The following HECW1 variants were observed in gnomAD, a reference collection of about 807,000 sequenced individuals.
HECW1 encodes the protein HECT, C2 and WW domain containing E3 ubiquitin protein ligase 1.
A neutral mutation model predicts 182.3 loss-of-function variants in HECW1; 61 were observed. The observed-to-expected ratio is 0.33, with a 90% CI of 0.27 to 0.41. The LOEUF is 0.41. Ranked by LOEUF, HECW1 falls within the 10% of genes least tolerant of loss-of-function variation. The probability of loss-of-function intolerance (pLI) is 1.00; values close to 1 mark genes in which losing one functional copy is unlikely to be tolerated. For synonymous variants in HECW1, 859 were observed against 832.6 expected (o/e 1.03, Z -0.55); for missense variants, 1,739 against 2,108.9 (o/e 0.82, Z 3.44).
intron 14 of HECW1, among the ~76,000 whole-genome samples, chr7:43,465,962 AAAG>A (rs1182352129): frequency 9.8e-5 from 14 of 143,474 alleles, no homozygotes; most frequent in South Asian, 9.4e-4. Flanking sequence ...AAAGAGAAAG[AAAG>A]AAGAAAGAAG....
intron 8 of HECW1, among the ~76,000 whole-genome samples, chr7:43,427,997 C>T (rs1039101660): frequency 6.6e-6 from 1 of 152,196 alleles, no homozygotes; most frequent in Admixed American, 6.5e-5. Context: ...GTTTGGTAAT[C>T]TAATCATGGC....
Position 43,500,784 on chromosome 7 carries a change from TA to T in HECW1, c.3521+3del, listed in dbSNP as rs2079317023. The T allele has an allele frequency of 1.2e-6, 2 of 1,612,230 alleles. No individual in the cohort carries two copies. The highest frequency in any genetic ancestry group is 1.7e-6 in the Non-Finnish European group (2 of 1,178,380). On this transcript the variant is annotated splice_donor_region_variant and intron_variant, in intron 20 of 29. Coordinates refer to ENST00000395891, the MANE Select transcript of HECW1 (RefSeq NM_015052.5). The stretch of plus-strand genomic sequence containing the variant: ...TGCGGATCTGGTCATTTTGCTGAGG[TA>T]GGGGGCTAGGCCTGAAATCCTTCTG...
rs368898758 is a variant in HECW1, at chr7:43,524,212, C to T, written c.4019+15091C>T. 1.1e-4 allele frequency among the ~76,000 whole-genome samples: 16 copies of T among 152,220 alleles called. No individual in the cohort carries two copies. In the East Asian group the frequency reaches 1.2e-3, roughly 11 times the overall value. Reference sequence around the variant, plus strand: ...GAAATTTTGCCTTAGATGTTAGCAGCGTCAAGAGTCTTTCAAAGAGTGTGA... The same window carrying T: ...GAAATTTTGCCTTAGATGTTAGCAGTGTCAAGAGTCTTTCAAAGAGTGTGA... On this transcript the variant is annotated intron_variant, in intron 24 of 29. Transcript: ENST00000395891.
At chr7:43,278,889 T>C (rs1235647385) in intron 3 of HECW1, among the ~76,000 whole-genome samples, 1 of 152,186 alleles carries the variant, frequency 6.6e-6, no homozygotes, top group Non-Finnish European at 1.5e-5. Flanking sequence ...TAGATTATAA[T>C]TTACCTAACT....
At position 43,503,114 on chromosome 7, in the gene HECW1, G is replaced by A. The variant is rs142607340; in HGVS notation, c.3631+1792G>A. On this transcript the variant is annotated intron_variant, in intron 21 of 29. Transcript: ENST00000395891. ...GTTTTCAAGATAGTATCTCCCTGTTGTCACTTCCTCCAAACAAGTGTACCA... is the reference window on the plus strand; with the variant it reads ...GTTTTCAAGATAGTATCTCCCTGTTATCACTTCCTCCAAACAAGTGTACCA... Among the ~76,000 whole-genome samples, 13 of 152,290 alleles carry A rather than the reference G, an allele frequency of 8.5e-5. No homozygotes were observed. The East Asian group carries it at 2.5e-3, about 29-fold the overall frequency.
In HECW1 at chr7:43,507,177, A is replaced by C; in HGVS notation, c.3672A>C (p.Arg1224=). The change falls in exon 22 of 30, where the codon CGA becomes CGC. Residue 1224 remains arginine (R), a synonymous_variant. Coordinates refer to ENST00000395891, the MANE Select transcript of HECW1 (RefSeq NM_015052.5). ...RASARAPSPY[R]RDFEAKLRNF... ...GTGCAAGAGCCCCTTCCCCCTACCG[A>C]AGAGACTTTGAGGCCAAGCTCCGCA... 1 of 1,614,052 alleles carries C rather than the reference A, an allele frequency of 6.2e-7. No individual in the cohort carries two copies. The highest frequency in any genetic ancestry group is 8.5e-7 in the Non-Finnish European group (1 of 1,179,926).
chr7:43,224,918 G>A (rs879825065), intron 2 of HECW1, among the ~76,000 whole-genome samples: 8 of 152,182 alleles, frequency 5.3e-5, no homozygotes, highest in Non-Finnish European at 1.0e-4. Flanking sequence ...GGAGAGGCCT[G>A]GAAAAAGGGC....
At chr7:43,225,545 A>G (rs972117834) in intron 2 of HECW1, among the ~76,000 whole-genome samples, 1 of 152,220 alleles carries the variant, frequency 6.6e-6, no homozygotes, top group Non-Finnish European at 1.5e-5. Context: ...TTTGGAATAT[A>G]CATCAAGGAA....
intron 2 of HECW1, chr7:43,121,907 T>C (rs1034416213): frequency 2.6e-5 from 4 of 152,188 alleles, no homozygotes; most frequent in Non-Finnish European, 5.9e-5. Flanking sequence ...GGTACTTCTT[T>C]CTCCGAATGT....
At chr7:43,259,819 G>A (rs1297209823) in intron 3 of HECW1, among the ~76,000 whole-genome samples, 1 of 152,196 alleles carries the variant, frequency 6.6e-6, no homozygotes, top group Non-Finnish European at 1.5e-5. Flanking sequence ...TCATCAATCA[G>A]TGACCTATTA....
chr7:43,412,769 C>A (rs1412536212), intron 8 of HECW1, among the ~76,000 whole-genome samples: 6 of 151,626 alleles, frequency 4.0e-5, no homozygotes, highest in Admixed American at 6.6e-5. Flanking sequence ...CATGTCCCTA[C>A]AAAGGACATG....
In HECW1 at chr7:43,225,397, G is replaced by A. The variant is rs183438662; in HGVS notation, c.-31-18478G>A. Reference sequence around the variant, plus strand: ...GGGCTGACTTACTGCACCAAGAGACGTGGGCTTGTGCATACCCTGGGGAAA... The same window carrying A: ...GGGCTGACTTACTGCACCAAGAGACATGGGCTTGTGCATACCCTGGGGAAA... On this transcript the variant is annotated intron_variant, in intron 2 of 29. Transcript: ENST00000395891. Among the ~76,000 whole-genome samples the A allele has an allele frequency of 4.1e-3, 618 of 152,252 alleles. 3 individuals are homozygous for A. Among genetic ancestry groups the A allele is most frequent in the African/African-American group, 0.014 (592 of 41,540 alleles).
At chr7:43,212,094 C>T (rs1196805667) in intron 2 of HECW1, among the ~76,000 whole-genome samples, 17 of 152,214 alleles carry the variant, frequency 1.1e-4, no homozygotes, top group Admixed American at 1.1e-3. Context: ...CTGTCCTCAG[C>T]ACTCATCCCT....
chr7:43,173,329 C>A (rs867395461), intron 2 of HECW1, among the ~76,000 whole-genome samples: 1 of 152,144 alleles, frequency 6.6e-6, no homozygotes, highest in South Asian at 2.1e-4. Context: ...TCCTTGGGGC[C>A]AGTCAATAGA....
intron 17 of HECW1, among the ~76,000 whole-genome samples, chr7:43,488,338 GGAAGGAAGGA>G (rs1362457152): frequency 3.1e-4 from 6 of 19,570 alleles, no homozygotes; most frequent in African/African-American, 1.1e-3. Flanking sequence ...AAGGAAGGAA[GGAAGGAAGGA>G]AGGAAGGAAG....
intron 5 of HECW1, among the ~76,000 whole-genome samples, chr7:43,360,627 G>A (rs935257942): frequency 3.3e-5 from 5 of 152,174 alleles, no homozygotes; most frequent in African/African-American, 1.2e-4. Flanking sequence ...CTCTAATGGG[G>A]TAGGATGGAT....
chr7:43,366,911 C>T (rs1001776583), intron 6 of HECW1, among the ~76,000 whole-genome samples: 3 of 152,282 alleles, frequency 2.0e-5, no homozygotes, highest in African/African-American at 7.2e-5. Flanking sequence ...AGCAGGCAGC[C>T]TTACACAGAC....
At chr7:43,368,323 G>C (rs1816898782) in intron 6 of HECW1, among the ~76,000 whole-genome samples, 1 of 152,192 alleles carries the variant, frequency 6.6e-6, no homozygotes, top group Non-Finnish European at 1.5e-5. Context: ...GGAGTAAGCT[G>C]AAATGTGCAC....
intron 9 of HECW1, chr7:43,439,407 A>G (rs889839845): frequency 6.6e-6 from 1 of 152,222 alleles, no homozygotes; most frequent in Non-Finnish European, 1.5e-5. Flanking sequence ...TCCCCACACA[A>G]CAGGCTTCTC....
Sources: allele counts gnomAD v4.1 joint callset (sites outside exome capture counted in the v4.1 genomes callset), GRCh38; gene constraint gnomAD v4.1.1; transcripts MANE v1.5; gene names NCBI Gene and HGNC (gene_info 2026-07-23, HGNC 2026-07-21).